Variants in PDIA6 observed in about 807,000 individuals in gnomAD.
PDIA6 encodes the protein protein disulfide isomerase family A member 6.
In PDIA6, 29 loss-of-function variants were observed where a neutral mutation model predicts 58.4. That is an observed-to-expected ratio of 0.50 (90% CI 0.37 to 0.68). PDIA6 has a LOEUF of 0.68. PDIA6 is among the 30% of genes least tolerant of loss of function. The pLI is 0.00. For missense variants in PDIA6, 480 were observed against 551.0 expected, an observed-to-expected ratio of 0.87 and a Z score of 1.29; for synonymous variants, 192 against 202.6, an observed-to-expected ratio of 0.95 and a Z score of 0.44.
intron 1 of PDIA6, among the ~76,000 whole-genome samples, chr2:10,823,741 A>AC (rs139495260): frequency 0.26 from 39,114 of 151,936 alleles, 5,314 homozygotes; most frequent in African/African-American, 0.28. Flanking sequence ...TGTAGCCCAG[A>AC]CCCACTTCAG....
intron 1 of PDIA6, among the ~76,000 whole-genome samples, chr2:10,803,339 T>C (rs1340231904): frequency 6.6e-6 from 1 of 152,226 alleles, no homozygotes; most frequent in Non-Finnish European, 1.5e-5. Flanking sequence ...GTATTTTTAA[T>C]AGAGACAGGG....
chr2:10,800,077 AT>A (rs767635420), intron 2 of PDIA6, among the ~76,000 whole-genome samples: 45 of 152,354 alleles, frequency 3.0e-4, no homozygotes, highest in African/African-American at 5.3e-4. Context: ...ACAGTCAATT[AT>A]TGTGACTTTA....
intron 1 of PDIA6, among the ~76,000 whole-genome samples, chr2:10,806,817 C>T (rs1035662815): frequency 1.7e-4 from 26 of 152,058 alleles, no homozygotes; most frequent in African/African-American, 6.0e-4. Flanking sequence ...TACACAAATG[C>T]TTGCCATTGT....
chr2:10,813,269 T>C (rs1156645472), upstream of PDIA6, among the ~76,000 whole-genome samples: 1 of 152,226 alleles, frequency 6.6e-6, no homozygotes, highest in Non-Finnish European at 1.5e-5. Flanking sequence ...CTGTCTGCAA[T>C]GTAATTCGAC....
At chr2:10,834,713 C>A (rs1326200009), upstream of PDIA6, among the ~76,000 whole-genome samples, 2 of 45,120 alleles carry the variant, frequency 4.4e-5, no homozygotes, top group Admixed American at 2.1e-4. Context: ...CTCCCTCCCT[C>A]CCTCCCTCCC....
chr2:10,803,875 C>G (rs1666616413), intron 1 of PDIA6, among the ~76,000 whole-genome samples: 1 of 150,508 alleles, frequency 6.6e-6, no homozygotes, highest in Non-Finnish European at 1.5e-5. Context: ...CTGAGTAGAC[C>G]TAGGCTAATG....
At chr2:10,819,592 G>A (rs1667322218) in intron 1 of PDIA6, among the ~76,000 whole-genome samples, 1 of 152,168 alleles carries the variant, frequency 6.6e-6, no homozygotes, top group African/African-American at 2.4e-5. Flanking sequence ...TTGTCTGAAG[G>A]ACCTGGGTCA....
upstream of PDIA6, among the ~76,000 whole-genome samples, chr2:10,835,278 G>A (rs1667807797): frequency 6.6e-6 from 1 of 152,176 alleles, no homozygotes; most frequent in Admixed American, 6.5e-5. Context: ...AAAGGCTGGG[G>A]ACTCCAGGGA....
intron 12 of PDIA6, 108 bp downstream of exon 12, chr2:10,784,826 C>G (rs1665627592): frequency 1.3e-6 from 1 of 775,280 alleles, no homozygotes; most frequent in African/African-American, 1.7e-5. Context: ...ACGGGTGCAC[C>G]AGGGCTGAGG....
chr2:10,791,758 CTG>C, intron 6 of PDIA6, 35 bp downstream of exon 6: 2 of 1,590,202 alleles, frequency 1.3e-6, no homozygotes, highest in East Asian at 2.2e-5. Context: ...ACTGAAAACA[CTG>C]TGAATGAACA....
chr2:10,834,119 G>A (rs1220994810), upstream of PDIA6, among the ~76,000 whole-genome samples: 6 of 152,230 alleles, frequency 3.9e-5, no homozygotes, highest in African/African-American at 7.2e-5. Context: ...TGAGAGCAAC[G>A]CAGATCTGGG....
intron 1 of PDIA6, among the ~76,000 whole-genome samples, chr2:10,828,491 A>G (rs1667618583): frequency 6.6e-6 from 1 of 152,146 alleles, no homozygotes; most frequent in South Asian, 2.1e-4. Context: ...CGACCCTGAG[A>G]CCAGAGGAAT....
At chr2:10,788,853 TC>T in intron 9 of PDIA6, 43 bp downstream of exon 9, 1 of 1,559,164 alleles carries the variant, frequency 6.4e-7, no homozygotes, top group South Asian at 1.1e-5. Flanking sequence ...TCTCAGAGCA[TC>T]TAGCATAGAA....
intron 2 of PDIA6, among the ~76,000 whole-genome samples, chr2:10,818,857 T>C (rs1053712679): frequency 2.6e-5 from 4 of 152,106 alleles, no homozygotes; most frequent in African/African-American, 9.7e-5. Flanking sequence ...TCCATGGCAT[T>C]AAATGCGCTC....
chr2:10,797,478 A>G (rs573167590), intron 3 of PDIA6, among the ~76,000 whole-genome samples: 3 of 152,338 alleles, frequency 2.0e-5, no homozygotes, highest in East Asian at 3.9e-4. Flanking sequence ...AATAAACAAA[A>G]ACAGGCAATG....
chr2:10,813,645 T>C (rs1268092347), upstream of PDIA6, among the ~76,000 whole-genome samples: 7 of 148,594 alleles, frequency 4.7e-5, no homozygotes, highest in East Asian at 2.1e-4. Flanking sequence ...ATTTTTTTGC[T>C]TTTTTTTGAG....
chr2:10,788,013 C>T (rs1394155478), intron 10 of PDIA6, among the ~76,000 whole-genome samples: 2 of 144,550 alleles, frequency 1.4e-5, no homozygotes, highest in African/African-American at 2.5e-5. Flanking sequence ...TTGCAGTAAG[C>T]CGAGATTGTG....
At chr2:10,806,632 A>AAGACAGAAAGAG (rs1558452527) in intron 1 of PDIA6, among the ~76,000 whole-genome samples, 5 of 121,244 alleles carry the variant, frequency 4.1e-5, no homozygotes, top group Admixed American at 3.3e-4. Flanking sequence ...TAAAGACAGA[A>AAGACAGAAAGAG]AGAAAGAAAG....
At chr2:10,797,815 A>G (rs1398673156) in intron 2 of PDIA6, 58 bp from the exon 3 acceptor site, 1 of 1,354,786 alleles carries the variant, frequency 7.4e-7, no homozygotes, top group Non-Finnish European at 1.0e-6. Flanking sequence ...CAATTCAAAA[A>G]ATTCAAAAAT....
Sources: gnomAD v4.1 joint callset for allele counts (sites outside exome capture counted in the v4.1 genomes callset) on GRCh38, gnomAD v4.1.1 for gene constraint, MANE v1.5 for transcripts, NCBI Gene and HGNC (gene_info 2026-07-23, HGNC 2026-07-21) for gene names.